Variants in ODAD4 observed in about 807,000 individuals in gnomAD.
ODAD4 encodes outer dynein arm docking complex subunit 4.
ODAD4 carries 49 observed loss-of-function variants against 51.8 expected under a neutral mutation model. That is an observed-to-expected ratio of 0.95 (90% CI 0.75 to 1.20). ODAD4 has a LOEUF of 1.20. Among genes scored for constraint, ODAD4 ranks in the 50% most tolerant of loss-of-function variants. The pLI is 0.00. For synonymous variants in ODAD4, 235 were observed against 221.3 expected, an observed-to-expected ratio of 1.06 and a Z score of -0.55; for missense variants, 590 against 586.5, an observed-to-expected ratio of 1.01 and a Z score of -0.06.
intron 9 of ODAD4, among the ~76,000 whole-genome samples, chr17:41,950,461 C>T (rs2144519829): frequency 6.6e-6 from 1 of 151,508 alleles, no homozygotes; most frequent in East Asian, 1.9e-4. Flanking sequence ...CAGCTCACTG[C>T]AACCTCTGCC....
At chr17:41,962,565 G>A (rs976311110) in intron 11 of ODAD4, among the ~76,000 whole-genome samples, 1 of 152,230 alleles carries the variant, frequency 6.6e-6, no homozygotes. Flanking sequence ...AAGACTGTGT[G>A]CACGGACTCA....
chr17:41,932,803 AATACT>A (rs2050368861), intron 1 of ODAD4, among the ~76,000 whole-genome samples: 1 of 149,836 alleles, frequency 6.7e-6, no homozygotes, highest in African/African-American at 2.5e-5. Context: ...GAGCTCAAGT[AATACT>A]CCCGCTTTGG....
intron 9 of ODAD4, among the ~76,000 whole-genome samples, chr17:41,951,568 T>C (rs1261775518): frequency 6.6e-6 from 1 of 151,274 alleles, no homozygotes; most frequent in Non-Finnish European, 1.5e-5. Flanking sequence ...TTGAGATAAC[T>C]TTAAATTACA....
chr17:41,951,883 CAAAAAAAAAAAAAAAA>C (rs55769009), intron 9 of ODAD4, among the ~76,000 whole-genome samples: 2 of 35,550 alleles, frequency 5.6e-5, no homozygotes, highest in African/African-American at 9.6e-5. Context: ...GACTCTGTCG[CAAAAAAAAAAAAAAAA>C]AAAAAAAAAA....
intron 1 of ODAD4, among the ~76,000 whole-genome samples, chr17:41,931,909 T>TTTGTTGTTGTTGTTGTTG (rs56275098): frequency 5.8e-4 from 86 of 149,240 alleles, no homozygotes; most frequent in African/African-American, 1.9e-3. Flanking sequence ...GGTGATGGTT[T>TTTGTTGTTGTTGTTGTTG]TTGTTGTTGT....
At chr17:41,960,463 C>G (rs1247497132) in intron 10 of ODAD4, among the ~76,000 whole-genome samples, 3 of 151,500 alleles carry the variant, frequency 2.0e-5, no homozygotes, top group Non-Finnish European at 2.9e-5. Context: ...AAAAAACAAA[C>G]AAACAAACAA....
In ODAD4 at chr17:41,932,349, G is replaced by A. The variant is rs2050357353; in HGVS notation, c.114+1512G>A. Reference sequence around the variant, plus strand: ...GCCTCCCAAAGTGCTGGGATTACAGGCGTGAACCACCCCACCCAGTGCATA... The same window carrying A: ...GCCTCCCAAAGTGCTGGGATTACAGACGTGAACCACCCCACCCAGTGCATA... On this transcript the variant is annotated intron_variant, in intron 1 of 11. Transcript: ENST00000377540. Among the ~76,000 whole-genome samples, 3 of 152,176 alleles carry A rather than the reference G, an allele frequency of 2.0e-5. No individual in the cohort carries two copies. In the South Asian group the frequency reaches 6.2e-4, roughly 32 times the overall value.
intron 10 of ODAD4, among the ~76,000 whole-genome samples, chr17:41,958,040 G>A (rs1412146457): frequency 6.6e-6 from 1 of 152,180 alleles, no homozygotes; most frequent in Non-Finnish European, 1.5e-5. Flanking sequence ...GCCTTTTAAA[G>A]TGTTGGGATT....
intron 8 of ODAD4, among the ~76,000 whole-genome samples, chr17:41,945,674 G>A (rs1445389451): frequency 2.0e-5 from 3 of 152,148 alleles, no homozygotes; most frequent in East Asian, 1.9e-4. Flanking sequence ...CGAGGCAGGC[G>A]GATCACTTGA....
At chr17:41,936,310 T>C (rs1041861500) in intron 3 of ODAD4, among the ~76,000 whole-genome samples, 163 bp from the exon 4 acceptor site, 1 of 152,182 alleles carries the variant, frequency 6.6e-6, no homozygotes, top group East Asian at 1.9e-4. Flanking sequence ...CTAGGAGTTA[T>C]ACCAAACAGC....
rs1244083284 is a variant in ODAD4, at chr17:41,939,308, G to C, written c.1058+136G>C. On this transcript the variant is annotated intron_variant, in intron 7 of 11. Coordinates refer to ENST00000377540, the MANE Select transcript of ODAD4 (RefSeq NM_031421.5). ...CATGCCTGAGGTAGATTCTCCTGGA[G>C]GTGGGGACCACCTGCCCAGGACTGA... The C allele has an allele frequency of 3.4e-6, 3 of 891,998 alleles. No individual in the cohort carries two copies. The African/African-American group carries it at 5.1e-5, about 15-fold the overall frequency. 55.3% of individuals were successfully genotyped at this position (891,998 alleles called of 1,614,324 possible). A position where few individuals can be genotyped will look rare whatever the true frequency, so the allele number is the denominator to read the frequency against.
At chr17:41,963,310 A>G (rs1176660035) in intron 11 of ODAD4, among the ~76,000 whole-genome samples, 1 of 152,204 alleles carries the variant, frequency 6.6e-6, no homozygotes, top group Non-Finnish European at 1.5e-5. Context: ...GATAAAAAAA[A>G]AAATTTAGGA....
intron 3 of ODAD4, 82 bp from the exon 4 acceptor site, chr17:41,936,391 G>C (rs782672876): frequency 9.9e-7 from 1 of 1,010,850 alleles, no homozygotes; most frequent in African/African-American, 1.6e-5. Context: ...CCTGCCAAAG[G>C]CAGCCATTTC....
intron 4 of ODAD4, 73 bp downstream of exon 4, chr17:41,936,607 A>C: frequency 6.6e-7 from 1 of 1,519,886 alleles, no homozygotes; most frequent in South Asian, 1.1e-5. Flanking sequence ...GGGTCTTGGG[A>C]GTCTAGCTGC....
Position 41,938,696 on chromosome 17 carries a change from G to A in ODAD4, c.765G>A (p.Met255Ile). Residue 255 changes from methionine to isoleucine, a missense_variant, in exon 6 of 12, where the codon ATG becomes ATA. By Grantham distance (10) the Met-to-Ile change is conservative. This residue lies in a region of ODAD4 where 360 missense variants were observed against 407.5 expected (regional missense o/e 0.88). Transcript: ENST00000377540. The part of the protein sequence containing the change: ...IYARERDRKL[M>I]QEKWLRDHKR... Reference sequence around the variant, plus strand: ...CCAGGGAGCGGGACCGGAAGCTGATGCAAGAGAAATGGCTGCGGGACCACA... The same window carrying A: ...CCAGGGAGCGGGACCGGAAGCTGATACAAGAGAAATGGCTGCGGGACCACA... 1.2e-6 allele frequency: 2 copies of A among 1,613,952 alleles called. No individual in the cohort carries two copies. Among genetic ancestry groups the A allele is most frequent in the Non-Finnish European group, 1.7e-6 (2 of 1,179,874 alleles).
At chr17:41,944,425 CA>C (rs1567932964) in intron 7 of ODAD4, among the ~76,000 whole-genome samples, 446 of 8,440 alleles carry the variant, frequency 0.053, 14 homozygotes, top group African/African-American at 0.075. Context: ...CACACACACA[CA>C]CACACACACA....
intron 6 of ODAD4, 57 bp from the exon 7 acceptor site, chr17:41,938,908 C>T: frequency 6.3e-7 from 1 of 1,584,918 alleles, no homozygotes; most frequent in Non-Finnish European, 8.6e-7. Context: ...AGAGGAGTTA[C>T]CCTGTCAGCT....
At chr17:41,948,307 T>G (rs1033438343) in intron 8 of ODAD4, among the ~76,000 whole-genome samples, 5 of 129,510 alleles carry the variant, frequency 3.9e-5, no homozygotes, top group Non-Finnish European at 7.9e-5. Flanking sequence ...CTTAGTAATT[T>G]TTTTCTTTCT....
intron 8 of ODAD4, among the ~76,000 whole-genome samples, chr17:41,945,559 T>C (rs1194260581): frequency 6.6e-6 from 1 of 151,954 alleles, no homozygotes; most frequent in Non-Finnish European, 1.5e-5. Context: ...GCAACCTCAA[T>C]TCTTGCCTCC....
Sources: allele counts gnomAD v4.1 joint callset (sites outside exome capture counted in the v4.1 genomes callset), GRCh38; gene constraint gnomAD v4.1.1; regional missense constraint gnomAD v4.1.1; transcripts MANE v1.5; gene names NCBI Gene and HGNC (gene_info 2026-07-23, HGNC 2026-07-21).